Variants in TF observed in about 807,000 individuals in gnomAD.
TF encodes transferrin.
TF carries 55 observed loss-of-function variants against 82.4 expected under a neutral mutation model. The ratio of observed to expected loss-of-function variants is 0.67; its 90% confidence interval spans 0.54 to 0.84. The LOEUF is 0.84. Ranked by LOEUF, TF falls within the 40% of genes least tolerant of loss-of-function variation. TF has a pLI of 0.00. For synonymous variants in TF, 332 were observed against 332.6 expected, an observed-to-expected ratio of 1.00 and a Z score of 0.02; for missense variants, 737 against 868.4, an observed-to-expected ratio of 0.85 and a Z score of 1.90.
chr3:133,764,797 G>A (rs1934085905), intron 10 of TF, 78 bp from the exon 11 acceptor site: 1 of 1,382,592 alleles, frequency 7.2e-7, no homozygotes, highest in East Asian at 2.3e-5. Context: ...ATTCTTAGCT[G>A]CAGCATAAAA....
chr3:133,690,246 G>A, the TF span, among the ~76,000 whole-genome samples: 1 of 151,522 alleles, frequency 6.6e-6, no homozygotes, highest in African/African-American at 2.4e-5. Flanking sequence ...ACTATATAAA[G>A]TTGTCATTTA....
At position 133,778,822 on chromosome 3, in the gene TF, A is replaced by T. The variant is rs1934458332; in HGVS notation, c.*202A>T. ...CTCCATTCTTTCCTAAATATTTTCA[A>T]CAAAGGATTTCTTTATGCATTCTGC... On this transcript the variant is annotated 3_prime_UTR_variant, in exon 17 of 17. Transcript: ENST00000402696. 1 of 506,146 alleles carries T rather than the reference A, an allele frequency of 2.0e-6. No individual in the cohort carries two copies. The highest frequency in any genetic ancestry group is 2.0e-5 in the African/African-American group (1 of 51,120). 31.4% of individuals were successfully genotyped at this position (506,146 alleles called of 1,614,324 possible). A position where few individuals can be genotyped will look rare whatever the true frequency, so the allele number is the denominator to read the frequency against.
the TF span, chr3:133,691,773 AG>A: frequency 6.5e-6 from 1 of 153,742 alleles, no homozygotes; most frequent in East Asian, 1.9e-4. Flanking sequence ...TGTTTGAGGC[AG>A]GCCTGGCCCC....
the TF span, among the ~76,000 whole-genome samples, chr3:133,665,275 T>C: frequency 6.6e-6 from 1 of 152,068 alleles, no homozygotes; most frequent in Admixed American, 6.6e-5. Context: ...GAGACCAACC[T>C]GGGCAACATG....
At chr3:133,766,138 A>G (rs925668080) in intron 11 of TF, 140 bp from the exon 12 acceptor site, 5 of 836,850 alleles carry the variant, frequency 6.0e-6, no homozygotes, top group African/African-American at 5.0e-5. Context: ...ACTTCCCCTC[A>G]GTCAGATACT....
chr3:133,763,418 A>G (rs1013597642), intron 9 of TF, among the ~76,000 whole-genome samples: 4 of 152,240 alleles, frequency 2.6e-5, no homozygotes, highest in Admixed American at 2.0e-4. Context: ...TTTAAGACTG[A>G]TATCTATTCC....
At chr3:133,667,604 A>G in the TF span, among the ~76,000 whole-genome samples, 1 of 152,164 alleles carries the variant, frequency 6.6e-6, no homozygotes, top group Non-Finnish European at 1.5e-5. Flanking sequence ...TTTGAAAATT[A>G]TGTCTAGGAA....
the TF span, among the ~76,000 whole-genome samples, chr3:133,673,436 C>T: frequency 6.6e-6 from 1 of 152,178 alleles, no homozygotes; most frequent in African/African-American, 2.4e-5. Flanking sequence ...TCCACAGCAG[C>T]ACTATCCTTA....
the TF span, among the ~76,000 whole-genome samples, chr3:133,696,765 T>G: frequency 6.6e-6 from 1 of 151,440 alleles, no homozygotes; most frequent in Non-Finnish European, 1.5e-5. Flanking sequence ...AAAGCATTAT[T>G]GCCATGGACA....
the TF span, among the ~76,000 whole-genome samples, chr3:133,687,429 G>C: frequency 1.3e-5 from 2 of 151,884 alleles, no homozygotes; most frequent in African/African-American, 2.4e-5. Context: ...TTTGAGATGA[G>C]ATTCACATAA....
chr3:133,711,206 A>G, the TF span, among the ~76,000 whole-genome samples: 2 of 152,190 alleles, frequency 1.3e-5, no homozygotes, highest in African/African-American at 4.8e-5. Flanking sequence ...CCATGCCCAC[A>G]GCCTCAATTG....
chr3:133,718,202 T>C, the TF span, among the ~76,000 whole-genome samples: 1 of 151,908 alleles, frequency 6.6e-6, no homozygotes, highest in Non-Finnish European at 1.5e-5. Context: ...AAATGCAGGG[T>C]TTGTTGTTTT....
intron 15 of TF, 116 bp downstream of exon 15, chr3:133,775,733 T>C: frequency 1.9e-6 from 2 of 1,056,194 alleles, no homozygotes; most frequent in Non-Finnish European, 2.9e-6. Flanking sequence ...AAAACTAGAA[T>C]TCCATGCATT....
Position 133,783,255 on chromosome 3 carries a change from C to T in TF, c.*4635C>T, listed in dbSNP as rs1934561513. ...AATGATGACTGGAAAGGGTGGTAGT[C>T]ACATGGAAATAATGAAGCAGAATAA... On this transcript the variant is annotated 3_prime_UTR_variant, in exon 17 of 17. Coordinates refer to ENST00000402696, the MANE Select transcript of TF (RefSeq NM_001063.4). The T allele has an allele frequency of 6.6e-6, 1 of 151,956 alleles. No individual in the cohort carries two copies. Among genetic ancestry groups the T allele is most frequent in the East Asian group, 1.9e-4 (1 of 5,192 alleles). 9.4% of individuals were successfully genotyped at this position (151,956 alleles called of 1,614,324 possible).
At position 133,778,613 on chromosome 3, in the gene TF, G is replaced by T; in HGVS notation, c.2090G>T (p.Arg697Ile). The T allele has an allele frequency of 6.2e-7, 1 of 1,613,512 alleles. No homozygotes were observed. Among genetic ancestry groups the T allele is most frequent in the South Asian group, 1.1e-5 (1 of 91,024 alleles). ...CTCCTGGAAGCCTGCACTTTCCGTA[G>T]ACCTTAAAATCTCAGAGGTAGGGCT... is the stretch of plus-strand genomic sequence containing the variant. ...SSLLEACTFR[R>I]P The change falls in exon 17 of 17, where the codon AGA becomes ATA. Residue 697 changes from arginine to isoleucine, a missense_variant. Arg to Ile is a moderately conservative substitution (Grantham distance 97, BLOSUM62 -3). Coordinates refer to ENST00000402696, the MANE Select transcript of TF (RefSeq NM_001063.4).
chr3:133,778,575 C>G lies in TF; in HGVS notation c.2063-11C>G. On this transcript the variant is annotated splice_polypyrimidine_tract_variant and intron_variant, in intron 16 of 16. Coordinates refer to ENST00000402696, the MANE Select transcript of TF (RefSeq NM_001063.4). Reference sequence around the variant, plus strand: ...ATTTTGAAAATCCTACCTCTCTGCTCTGCTCCACAGCACTCCTGGAAGCCT... The same window carrying G: ...ATTTTGAAAATCCTACCTCTCTGCTGTGCTCCACAGCACTCCTGGAAGCCT... 6.2e-7 allele frequency: 1 copy of G among 1,612,922 alleles called. No individual in the cohort carries two copies. The highest frequency in any genetic ancestry group is 2.2e-5 in the East Asian group (1 of 44,836).
chr3:133,778,084 G>A (rs1020572513), intron 16 of TF: 1 of 167,168 alleles, frequency 6.0e-6, no homozygotes, highest in Non-Finnish European at 1.3e-5. Context: ...TCTGACGGAA[G>A]CAGCAATGTG....
At chr3:133,769,895 G>C (rs898661613) in intron 13 of TF, among the ~76,000 whole-genome samples, 1 of 152,034 alleles carries the variant, frequency 6.6e-6, no homozygotes, top group African/African-American at 2.4e-5. Context: ...AAACTTCTTG[G>C]GGACTTGTAG....
chr3:133,694,308 G>A, the TF span: 1 of 152,870 alleles, frequency 6.5e-6, no homozygotes. Context: ...GAAAGGGACA[G>A]ACAAGTGTGC....
Sources: gnomAD v4.1 joint callset for allele counts (sites outside exome capture counted in the v4.1 genomes callset) on GRCh38, gnomAD v4.1.1 for gene constraint, MANE v1.5 for transcripts, NCBI Gene and HGNC (gene_info 2026-07-23, HGNC 2026-07-21) for gene names.